BICRA: variants seen among roughly 807,000 people sequenced by gnomAD.
BICRA encodes the protein BRD4-interacting chromatin-remodeling complex-associated protein.
BICRA carries 31 observed loss-of-function variants against 96.9 expected under a neutral mutation model. The ratio of observed to expected loss-of-function variants is 0.32; its 90% CI spans 0.24 to 0.43. BICRA has a LOEUF of 0.43. Among genes scored for constraint, BICRA ranks in the 20% least tolerant of loss-of-function variants. The pLI is 1.00. For missense variants in BICRA, 2,283 were observed against 2,190.3 expected, an observed-to-expected ratio of 1.04 and a Z score of -0.84; for synonymous variants, 1,350 against 1,071.8, an observed-to-expected ratio of 1.26 and a Z score of -5.07.
In BICRA at chr19:47,702,332, TC is replaced by T; in HGVS notation, c.4604del (p.Pro1535ArgfsTer24). 6.5e-7 allele frequency: 1 copy of T among 1,544,588 alleles called. No homozygotes were observed. Reference protein sequence around the residue: ...PHAASAGTPASPPPLHRPEAY... With the variant: ...PHAASAGTPAXPPPLHRPEAY... ...CGCTGCCTCGGCCGGCACCCCCGCA[TC>T]CCCGCCGCCCCTGCACAGGCCCGAG... is the stretch of plus-strand genomic sequence containing the variant. On this transcript the variant is annotated frameshift_variant, in exon 15 of 15. Coordinates refer to ENST00000594866, the MANE Select transcript of BICRA (RefSeq NM_001394372.1). LOFTEE classifies it high-confidence loss of function.
intron 1 of BICRA, among the ~76,000 whole-genome samples, chr19:47,628,028 G>A (rs188887360): frequency 2.6e-5 from 4 of 152,248 alleles, no homozygotes; most frequent in East Asian, 1.9e-4. Context: ...TCAGCTCCTC[G>A]AAGTGGTGGG....
chr19:47,653,427 A>G (rs1047379028), intron 1 of BICRA, among the ~76,000 whole-genome samples: 20 of 151,620 alleles, frequency 1.3e-4, no homozygotes, highest in African/African-American at 4.9e-4. Flanking sequence ...CAGTATATTC[A>G]CAGAGTTGTG....
rs370979982 is a variant in BICRA at position 47,694,449 on chromosome 19, T to A, written c.2618T>A (p.Leu873Gln). The A allele has an allele frequency of 4.2e-4, 336 of 808,504 alleles. 2 individuals are homozygous for A. The Middle Eastern group carries it at 7.3e-3, about 18-fold the overall frequency. The allele number at this position is 808,504 out of a possible 1,614,324, so 50.1% of individuals were successfully genotyped here. A position where few individuals can be genotyped will look rare whatever the true frequency, so the allele number is the denominator to read the frequency against. The change falls in exon 8 of 15, where the codon CTG (leucine) becomes CAG (glutamine). Residue 873 changes from leucine (L) to glutamine (Q), a missense_variant. Coordinates refer to ENST00000594866, the MANE Select transcript of BICRA (RefSeq NM_001394372.1). ...RPQSQPPEGPLPPAPHLPPSS... is the reference protein window; with the variant it reads ...RPQSQPPEGPQPPAPHLPPSS... ...CAGTCCCAGCCGCCTGAGGGACCGC[T>A]GCCCCCAGCCCCCCACCTCCCTCCA...
At position 47,675,470 on chromosome 19, in the gene BICRA, TAGTG is replaced by T. The variant is rs550417140; in HGVS notation, c.85-378_85-375del. On this transcript the variant is annotated intron_variant, in intron 4 of 14. Coordinates refer to ENST00000594866, the MANE Select transcript of BICRA (RefSeq NM_001394372.1). The surrounding 1 kb of genome is among the most constrained non-coding windows in gnomAD (Gnocchi z 4.7). The stretch of plus-strand genomic sequence containing the variant: ...CAGGCTGCGTTGGGAAAGGAGTACT[TAGTG>T]AGAAGGGACAGGAGCTGTTGGACCA... Among the ~76,000 whole-genome samples the T allele has an allele frequency of 9.5e-4, 145 of 152,182 alleles. No individual in the cohort carries two copies. Among genetic ancestry groups the T allele is most frequent in the Non-Finnish European group, 1.5e-3 (105 of 68,006 alleles).
At chr19:47,622,330 C>A (rs1321262772) in intron 1 of BICRA, among the ~76,000 whole-genome samples, 1 of 151,752 alleles carries the variant, frequency 6.6e-6, no homozygotes, top group Non-Finnish European at 1.5e-5. Context: ...CTCCTGACCT[C>A]AGGTGATCCT....
At chr19:47,681,384 C>CT in intron 6 of BICRA, 108 bp downstream of exon 6, 1 of 968,568 alleles carries the variant, frequency 1.0e-6, no homozygotes, top group Non-Finnish European at 1.5e-6. Flanking sequence ...ACTGTGGCAG[C>CT]TGGGGGGGGA....
chr19:47,681,162 C>T lies in BICRA; in HGVS notation c.1992C>T (p.Pro664=), dbSNP rs1332561022. 9.9e-6 allele frequency: 15 copies of T among 1,522,152 alleles called. No homozygotes were observed. The South Asian group carries it at 1.8e-4, about 18-fold the overall frequency. The allele number at this position is 1,522,152 out of a possible 1,614,324, so 94.3% of individuals were successfully genotyped here. Residue 664 remains proline (P), a synonymous_variant, in exon 6 of 15, where the codon CCC becomes CCT. Coordinates refer to ENST00000594866, the MANE Select transcript of BICRA (RefSeq NM_001394372.1). ...QAAAPPQATT[P]QPSPGLASSP... is the part of the protein sequence containing the mutation. ...CCGCCCCGCCTCAGGCCACCACCCC[C>T]CAGCCCAGCCCTGGCCTGGCGTCTA...
At chr19:47,689,258 C>A (rs1489579733) in intron 7 of BICRA, among the ~76,000 whole-genome samples, 1 of 151,984 alleles carries the variant, frequency 6.6e-6, no homozygotes, top group Non-Finnish European at 1.5e-5. Context: ...ATAGTATGAT[C>A]ATCAGAAAGT....
intron 2 of BICRA, 62 bp from the exon 3 acceptor site, chr19:47,673,508 A>T (rs1568566118): frequency 7.3e-7 from 1 of 1,369,332 alleles, no homozygotes; most frequent in African/African-American, 1.4e-5. Context: ...GGAGGGGGCC[A>T]GGCAAGCTGC....
At chr19:47,629,241 G>T (rs1357859248) in intron 1 of BICRA, among the ~76,000 whole-genome samples, 2 of 151,904 alleles carry the variant, frequency 1.3e-5, no homozygotes, top group African/African-American at 4.8e-5. Context: ...CTGACCTCAT[G>T]ATCCACCCGC....
At chr19:47,625,157 G>A (rs1297905748) in intron 1 of BICRA, among the ~76,000 whole-genome samples, 13 of 151,430 alleles carry the variant, frequency 8.6e-5, no homozygotes, top group African/African-American at 2.7e-4. Context: ...GAGCCACCAC[G>A]CCCAGCTAAT....
At chr19:47,651,760 G>A (rs1433081641) in intron 1 of BICRA, among the ~76,000 whole-genome samples, 3 of 152,182 alleles carry the variant, frequency 2.0e-5, no homozygotes, top group Non-Finnish European at 4.4e-5. Flanking sequence ...TCCAGGCAAC[G>A]AGCACGAGAG....
intron 1 of BICRA, among the ~76,000 whole-genome samples, chr19:47,629,167 A>C (rs1278280577): frequency 6.6e-6 from 1 of 151,708 alleles, no homozygotes; most frequent in African/African-American, 2.4e-5. Flanking sequence ...ACGCCCGGCT[A>C]ATTTTTTTTG....
At chr19:47,653,330 ATT>A (rs144356560) in intron 1 of BICRA, among the ~76,000 whole-genome samples, 1 of 143,962 alleles carries the variant, frequency 6.9e-6, no homozygotes. Context: ...GCCTCATTCT[ATT>A]TTTTTTTTTT....
Position 47,673,604 on chromosome 19 carries a change from A to G in BICRA, c.30A>G (p.Leu10=). Residue 10 remains leucine (L), a synonymous_variant, in exon 3 of 15, where the codon CTA becomes CTG. Transcript: ENST00000594866. MDDEDGRCL[L]DVICDPQALN... is the part of the protein sequence containing the mutation. ...ATGATGAGGATGGGAGATGCTTACT[A>G]GACGTGATTTGGTGAGTAACGGGCT... The G allele has an allele frequency of 1.2e-6, 2 of 1,612,226 alleles. No individual in the cohort carries two copies. Among genetic ancestry groups the G allele is most frequent in the East Asian group, 4.5e-5 (2 of 44,842 alleles).
Position 47,698,292 on chromosome 19 carries a change from C to A in BICRA, c.3249-342C>A, listed in dbSNP as rs1197972703. On this transcript the variant is annotated intron_variant, in intron 11 of 14. Transcript: ENST00000594866. This position sits in a 1 kb window ranked among gnomAD's most constrained non-coding sequence, Gnocchi z 4.8. The stretch of plus-strand genomic sequence containing the variant: ...GAGGCACGGTGGAGCCACACTGGCC[C>A]CAGGTGGCAGGAGGCAGAATAGCAG... Among the ~76,000 whole-genome samples the A allele has an allele frequency of 6.6e-6, 1 of 152,106 alleles. No individual in the cohort carries two copies. The highest frequency in any genetic ancestry group is 2.1e-4 in the South Asian group (1 of 4,826).
chr19:47,688,385 A>AAAT (rs1249403214), intron 7 of BICRA, among the ~76,000 whole-genome samples: 1 of 152,156 alleles, frequency 6.6e-6, no homozygotes, highest in Non-Finnish European at 1.5e-5. Context: ...GTTGAAGACC[A>AAAT]AATAATAATA....
intron 7 of BICRA, among the ~76,000 whole-genome samples, chr19:47,688,022 G>C (rs1973185448): frequency 6.6e-6 from 1 of 152,076 alleles, no homozygotes; most frequent in African/African-American, 2.4e-5. Context: ...CACGAGATTA[G>C]CAGCTGGCCT....
At chr19:47,666,760 A>G (rs1249836537) in intron 1 of BICRA, among the ~76,000 whole-genome samples, 1 of 151,652 alleles carries the variant, frequency 6.6e-6, no homozygotes, top group Non-Finnish European at 1.5e-5. Flanking sequence ...TTTTGTAGAG[A>G]TGAGATCTTG....
Sources: allele counts gnomAD v4.1 joint callset (sites outside exome capture counted in the v4.1 genomes callset), GRCh38; gene constraint gnomAD v4.1.1; non-coding constraint Gnocchi (gnomAD v3.1); transcripts MANE v1.5; gene names NCBI Gene and HGNC (gene_info 2026-07-23, HGNC 2026-07-21).